SCAF4: variants seen among roughly 807,000 people sequenced by gnomAD.
SCAF4 encodes the protein SR-related CTD associated factor 4.
In SCAF4, 25 loss-of-function variants were observed where a neutral mutation model predicts 129.8. That is an observed-to-expected ratio of 0.19 (90% CI 0.14 to 0.27). SCAF4 has a LOEUF of 0.27. SCAF4 is among the 10% of genes least tolerant of loss of function. SCAF4 has a pLI of 1.00. For missense variants in SCAF4, 1,246 were observed against 1,457.1 expected (o/e 0.86, Z 2.36); for synonymous variants, 551 against 497.7 (o/e 1.11, Z -1.43).
intron 1 of SCAF4, among the ~76,000 whole-genome samples, chr21:31,724,952 A>C (rs1177804992): frequency 6.6e-6 from 1 of 152,254 alleles, no homozygotes; most frequent in Non-Finnish European, 1.5e-5. Context: ...ACCCCGCTAC[A>C]GAAAGCTCTG....
chr21:31,704,059 C>T (rs1016983432), intron 3 of SCAF4, 133 bp from the exon 4 acceptor site: 1 of 501,936 alleles, frequency 2.0e-6, no homozygotes, highest in Admixed American at 3.2e-5. Flanking sequence ...TTGAATGTTT[C>T]AGCTCTCTAA....
chr21:31,685,788 C>CTT (rs1450051380), intron 16 of SCAF4, 55 bp from the exon 17 acceptor site: 28 of 1,474,126 alleles, frequency 1.9e-5, no homozygotes, highest in Non-Finnish European at 2.5e-5. Flanking sequence ...CCCATCCACA[C>CTT]AGTAAGCACA....
chr21:31,677,040 A>G (rs2049875065), intron 19 of SCAF4, among the ~76,000 whole-genome samples: 1 of 152,120 alleles, frequency 6.6e-6, no homozygotes, highest in Non-Finnish European at 1.5e-5. Flanking sequence ...TTTTATTACT[A>G]ATATTCCGTG....
intron 1 of SCAF4, among the ~76,000 whole-genome samples, chr21:31,713,947 A>G (rs112771767): frequency 0.011 from 1,685 of 152,282 alleles, 32 homozygotes; most frequent in African/African-American, 0.038. Flanking sequence ...TATCAAGTCT[A>G]AAAGCCACAA....
At chr21:31,672,608 A>G (rs1481277766) in intron 19 of SCAF4, among the ~76,000 whole-genome samples, 2 of 152,204 alleles carry the variant, frequency 1.3e-5, no homozygotes, top group Non-Finnish European at 2.9e-5. Context: ...GGTAATACCA[A>G]TTTTCAAAGA....
At chr21:31,708,848 A>T (rs1471997536) in intron 1 of SCAF4, among the ~76,000 whole-genome samples, 2 of 152,194 alleles carry the variant, frequency 1.3e-5, no homozygotes, top group Non-Finnish European at 2.9e-5. Flanking sequence ...TTAATAATAA[A>T]GTAGAAGCAA....
At chr21:31,728,337 CA>C (rs1047361294) in intron 1 of SCAF4, among the ~76,000 whole-genome samples, 3 of 152,168 alleles carry the variant, frequency 2.0e-5, no homozygotes, top group African/African-American at 7.2e-5. Context: ...TCTAATCCCT[CA>C]AAACCAAACC....
rs1568829162 is a variant in SCAF4, at chr21:31,685,084, G to A, written c.2453C>T (p.Pro818Leu). ...AVPPAAPTNL[P>L]TPPVTQPVSL... ...AACAGGCTGGGTTACAGGAGGGGTG[G>A]GCAGATTCGTGGGTGCAGCAGGTGG... is the stretch of plus-strand genomic sequence containing the variant. Residue 818 changes from proline to leucine, a missense_variant, in exon 19 of 20, where the codon CCC (proline) becomes CTC (leucine). By Grantham distance (98) the Pro-to-Leu change is moderately conservative. Around this residue, in one of 6 missense-constraint regions of SCAF4, gnomAD observed 468 missense variants for 605.5 expected, o/e 0.77. Coordinates refer to ENST00000286835, the MANE Select transcript of SCAF4 (RefSeq NM_020706.2). The A allele has an allele frequency of 6.2e-7, 1 of 1,612,678 alleles. No homozygotes were observed. The highest frequency in any genetic ancestry group is 1.3e-5 in the African/African-American group (1 of 74,914).
chr21:31,692,080 T>C (rs1468692721), intron 13 of SCAF4, 150 bp from the exon 14 acceptor site: 3 of 584,104 alleles, frequency 5.1e-6, no homozygotes, highest in African/African-American at 1.9e-5. Context: ...AATTCAAGTT[T>C]GGTCTCAACT....
chr21:31,693,752 T>C (rs550155310), intron 11 of SCAF4, among the ~76,000 whole-genome samples: 2 of 152,316 alleles, frequency 1.3e-5, no homozygotes, highest in East Asian at 3.9e-4. Flanking sequence ...TACATCCTTG[T>C]AATTTAAGTA....
intron 2 of SCAF4, 32 bp from the exon 3 acceptor site, chr21:31,705,499 G>A (rs2050634995): frequency 1.9e-6 from 2 of 1,029,948 alleles, no homozygotes; most frequent in East Asian, 2.7e-5. Flanking sequence ...TTACTGTTCA[G>A]TTTACTTATT....
chr21:31,678,087 G>A (rs533471642), intron 19 of SCAF4, among the ~76,000 whole-genome samples: 12 of 152,238 alleles, frequency 7.9e-5, no homozygotes, highest in Middle Eastern at 3.4e-3. Context: ...ACAGGCTCCT[G>A]CGGCTTTAAA....
Position 31,724,401 on chromosome 21 carries a change from G to C in SCAF4, c.30+7262C>G, listed in dbSNP as rs539738984. On this transcript the variant is annotated intron_variant, in intron 1 of 19. Transcript: ENST00000286835. Reference sequence around the variant, plus strand: ...TTACCAAAATTTTGAACTGTTAATAGGTAAGCTGCTTATTCTGCTATATAC... The same window carrying C: ...TTACCAAAATTTTGAACTGTTAATACGTAAGCTGCTTATTCTGCTATATAC... Among the ~76,000 whole-genome samples, 8 of 152,250 alleles carry C rather than the reference G, an allele frequency of 5.3e-5. No individual in the cohort carries two copies. The East Asian group carries it at 1.5e-3, about 29-fold the overall frequency.
intron 16 of SCAF4, 102 bp from the exon 17 acceptor site, chr21:31,685,835 T>C: frequency 1.7e-6 from 2 of 1,170,038 alleles, no homozygotes; most frequent in Non-Finnish European, 2.4e-6. Flanking sequence ...TAGATGTTTC[T>C]TAATTTGTGC....
At chr21:31,717,144 T>C (rs1429928475) in intron 1 of SCAF4, among the ~76,000 whole-genome samples, 1 of 152,204 alleles carries the variant, frequency 6.6e-6, no homozygotes. Context: ...TGAGATCTAA[T>C]GGACGAGTTT....
rs1387103398 is a variant in SCAF4, at chr21:31,671,161, TAA to T, written c.*236_*237del. 3 of 402,364 alleles carry T rather than the reference TAA, an allele frequency of 7.5e-6. No homozygotes were observed. The highest frequency in any genetic ancestry group is 6.2e-5 in the African/African-American group (3 of 48,684). 24.9% of individuals were successfully genotyped at this position (402,364 alleles called of 1,614,324 possible). The stretch of plus-strand genomic sequence containing the variant: ...TTCTAATTACGATTTGTAAACTTTT[TAA>T]AGTCAAAACTTTTAAAAAGTTACAG... On this transcript the variant is annotated 3_prime_UTR_variant, in exon 20 of 20. Transcript: ENST00000286835.
Position 31,717,900 on chromosome 21 carries a change from T to C in SCAF4, c.31-11543A>G, listed in dbSNP as rs1314814278. Among the ~76,000 whole-genome samples the C allele has an allele frequency of 9.2e-3, 725 of 78,490 alleles. 7 individuals carry two copies. Among genetic ancestry groups the C allele is most frequent in the African/African-American group, 0.028 (608 of 22,054 alleles). The allele number at this position is 78,490 out of a possible 152,430, so 51.5% of individuals were successfully genotyped here. On this transcript the variant is annotated intron_variant, in intron 1 of 19. Coordinates refer to ENST00000286835, the MANE Select transcript of SCAF4 (RefSeq NM_020706.2). ...ACACATATATACACATATATACACATATATACACACACACACACACACACA... is the reference window on the plus strand; with the variant it reads ...ACACATATATACACATATATACACACATATACACACACACACACACACACA...
intron 3 of SCAF4, among the ~76,000 whole-genome samples, 195 bp from the exon 4 acceptor site, chr21:31,704,121 G>A (rs1024721206): frequency 2.0e-5 from 3 of 151,600 alleles, no homozygotes; most frequent in Admixed American, 1.3e-4. Context: ...CCATTCTCTT[G>A]ATACTACTGA....
At chr21:31,691,765 TCC>T in intron 14 of SCAF4, 50 bp downstream of exon 14, 5 of 850,806 alleles carry the variant, frequency 5.9e-6, no homozygotes, top group Non-Finnish European at 7.0e-6. Context: ...CACATATTTT[TCC>T]CCTTCTGCCT....
Sources: gnomAD v4.1 joint callset for allele counts (sites outside exome capture counted in the v4.1 genomes callset) on GRCh38, gnomAD v4.1.1 for gene constraint, gnomAD v4.1.1 regional missense constraint, MANE v1.5 for transcripts, NCBI Gene and HGNC (gene_info 2026-07-23, HGNC 2026-07-21) for gene names.